Variants in ULBP3 observed in about 807,000 individuals in gnomAD.
The protein encoded by ULBP3 is UL16-binding protein 3.
Under a neutral mutation model 24.9 loss-of-function variants are expected in ULBP3, and 25 were observed. That is an observed-to-expected ratio of 1.00 (90% CI 0.73 to 1.40). The LOEUF (loss-of-function observed/expected upper bound fraction) is 1.40. Among genes scored for constraint, ULBP3 ranks in the 40% most tolerant of loss-of-function variants. The pLI, the probability that ULBP3 is intolerant of heterozygous loss-of-function variation, is 0.00. For missense variants in ULBP3, 306 were observed against 307.5 expected (o/e 1.00, Z 0.04); for synonymous variants, 114 against 114.7 (o/e 0.99, Z 0.04).
chr6:150,067,272 A>G (rs1776361093), intron 1 of ULBP3, among the ~76,000 whole-genome samples: 1 of 152,192 alleles, frequency 6.6e-6, no homozygotes, highest in Non-Finnish European at 1.5e-5. Context: ...AGGAGAGCCC[A>G]GAGCCCCTGG....
At chr6:150,065,294 C>T in intron 3 of ULBP3, 104 bp downstream of exon 3, 2 of 1,480,774 alleles carry the variant, frequency 1.4e-6, no homozygotes, top group Non-Finnish European at 1.8e-6. Context: ...GACTCACACC[C>T]ACTCACACCC....
chr6:150,066,737 T>A (rs1047526821), intron 1 of ULBP3, among the ~76,000 whole-genome samples: 1 of 152,054 alleles, frequency 6.6e-6, no homozygotes, highest in Non-Finnish European at 1.5e-5. Flanking sequence ...GACTGCAGTA[T>A]GAAAATCCAG....
In ULBP3 at chr6:150,062,125, G is replaced by C. The variant is rs776488049; in HGVS notation, c.*1249C>G. 9.9e-5 allele frequency among the ~76,000 whole-genome samples: 15 copies of C among 152,190 alleles called. No homozygotes were observed. The highest frequency in any genetic ancestry group is 2.1e-4 in the Non-Finnish European group (14 of 68,042). Reference sequence around the variant, plus strand: ...AGTACTTTGTAGATTCTGGATATTGGACCTTTGTCAGATGCAGAGTTTGCA... The same window carrying C: ...AGTACTTTGTAGATTCTGGATATTGCACCTTTGTCAGATGCAGAGTTTGCA... On this transcript the variant is annotated 3_prime_UTR_variant, in exon 5 of 5. Coordinates refer to ENST00000367339, the MANE Select transcript of ULBP3 (RefSeq NM_024518.3).
In ULBP3 at chr6:150,065,920, G is replaced by T. The variant is rs140233188; in HGVS notation, c.331C>A (p.Leu111Met). Residue 111 changes from leucine to methionine, a missense_variant, in exon 2 of 5, where the codon CTG becomes ATG. Physicochemically the swap from Leu to Met is conservative, Grantham distance 15. Coordinates refer to ENST00000367339, the MANE Select transcript of ULBP3 (RefSeq NM_024518.3). ...TCACCACTGGGTGTGAAATCCTCCA[G>T]CTCAGTGTCAGCCAGTTCCAGTCTG... ...RLRLELADTELEDFTPSGPLT... is the reference protein window; with the variant it reads ...RLRLELADTEMEDFTPSGPLT... The T allele has an allele frequency of 8.7e-6, 14 of 1,614,162 alleles. No homozygotes were observed. In the African/African-American group the frequency reaches 1.6e-4, roughly 18 times the overall value.
intron 4 of ULBP3, among the ~76,000 whole-genome samples, 189 bp from the exon 5 acceptor site, chr6:150,063,540 G>A (rs1053256811): frequency 6.6e-6 from 1 of 152,218 alleles, no homozygotes. Context: ...ACACCACAGA[G>A]GCAGCCCAGG....
In ULBP3 at chr6:150,065,535, G is replaced by T; in HGVS notation, c.491C>A (p.Ala164Asp). ...CTTCTCTTTCATCCGCCTGGCTCCA[G>T]CGTGAACCACTGTCCACTTTCTGTT... ...SNNRKWTVVH[A>D]GARRMKEKWE... The change falls in exon 3 of 5, where the codon GCT becomes GAT. Residue 164 changes from alanine to aspartate, a missense_variant. Physicochemically the swap from Ala to Asp is moderately radical, Grantham distance 126 (BLOSUM62 -2). Coordinates refer to ENST00000367339, the MANE Select transcript of ULBP3 (RefSeq NM_024518.3). 5 of 1,614,184 alleles carry T rather than the reference G, an allele frequency of 3.1e-6. No individual in the cohort carries two copies. The highest frequency in any genetic ancestry group is 4.2e-6 in the Non-Finnish European group (5 of 1,180,034).
intron 4 of ULBP3, among the ~76,000 whole-genome samples, 151 bp downstream of exon 4, chr6:150,064,434 A>G (rs1265316688): frequency 2.0e-5 from 3 of 152,174 alleles, no homozygotes; most frequent in Non-Finnish European, 4.4e-5. Context: ...GGTCATTGCA[A>G]ACAGGCGACA....
chr6:150,063,337 G>C lies in ULBP3; in HGVS notation c.*37C>G. On this transcript the variant is annotated 3_prime_UTR_variant, in exon 5 of 5. Coordinates refer to ENST00000367339, the MANE Select transcript of ULBP3 (RefSeq NM_024518.3). ...CAGACCAGGCTAACAGAGGCTTCTT[G>C]ATATCACCTTCCACCTTGAGGAAAG... 1 of 978,956 alleles carries C rather than the reference G, an allele frequency of 1.0e-6. No individual in the cohort carries two copies. The highest frequency in any genetic ancestry group is 1.2e-6 in the Non-Finnish European group (1 of 823,996). 60.6% of individuals were successfully genotyped at this position (978,956 alleles called of 1,614,324 possible). A position where few individuals can be genotyped will look rare whatever the true frequency, so the allele number is the denominator to read the frequency against.
At position 150,065,598 on chromosome 6, in the gene ULBP3, C is replaced by A. The variant is rs200807610; in HGVS notation, c.428G>T (p.Ser143Ile). The A allele has an allele frequency of 8.7e-6, 14 of 1,614,106 alleles. No individual in the cohort carries two copies. In the East Asian group the frequency reaches 2.9e-4, roughly 33 times the overall value. ...DGYIRGSWQFSFDGRKFLLFD... is the reference protein window; with the variant it reads ...DGYIRGSWQFIFDGRKFLLFD... The stretch of plus-strand genomic sequence containing the variant: ...GAGGAGGAACTTCCGTCCATCGAAG[C>A]TGAACTGCCAAGATCCACGGATGTA... Residue 143 changes from serine to isoleucine, a missense_variant, in exon 3 of 5, where the codon AGC becomes ATC. Ser to Ile is a moderately radical substitution (Grantham distance 142). Transcript: ENST00000367339.
intron 1 of ULBP3, 25 bp downstream of exon 1, chr6:150,068,954 G>A: frequency 1.9e-6 from 3 of 1,580,244 alleles, no homozygotes; most frequent in Non-Finnish European, 2.6e-6. Flanking sequence ...CCCCCGCCCC[G>A]CTTAGGCTCC....
rs549777601 is a variant in ULBP3, at chr6:150,066,117, C to T, written c.134G>A (p.Arg45Lys). 5 of 1,614,042 alleles carry T rather than the reference C, an allele frequency of 3.1e-6. No homozygotes were observed. In the South Asian group the frequency reaches 5.5e-5, roughly 18 times the overall value. ...GACCTCACACCACTGTTGCCCATGTCTGGGCAAATGAATGATGGTGAAGTT... is the reference window on the plus strand; with the variant it reads ...GACCTCACACCACTGTTGCCCATGTTTGGGCAAATGAATGATGGTGAAGTT... ...WYNFTIIHLP[R>K]HGQQWCEVQS... The change falls in exon 2 of 5, where the codon AGA becomes AAA. Residue 45 changes from arginine (R) to lysine (K), a missense_variant. Physicochemically the swap from Arg to Lys is conservative, Grantham distance 26 (BLOSUM62 2). Coordinates refer to ENST00000367339, the MANE Select transcript of ULBP3 (RefSeq NM_024518.3).
In ULBP3 at chr6:150,065,603, C is replaced by G; in HGVS notation, c.423G>C (p.Gln141His). 6.2e-7 allele frequency: 1 copy of G among 1,614,224 alleles called. No individual in the cohort carries two copies. The highest frequency in any genetic ancestry group is 1.1e-5 in the South Asian group (1 of 91,086). The stretch of plus-strand genomic sequence containing the variant: ...GGAACTTCCGTCCATCGAAGCTGAA[C>G]TGCCAAGATCCACGGATGTATCCAT... ...EADGYIRGSW[Q>H]FSFDGRKFLL... Residue 141 changes from glutamine to histidine, a missense_variant, in exon 3 of 5, where the codon CAG (glutamine) becomes CAC (histidine). Gln to His is a conservative substitution (Grantham distance 24). Coordinates refer to ENST00000367339, the MANE Select transcript of ULBP3 (RefSeq NM_024518.3).
At position 150,061,357 on chromosome 6, in the gene ULBP3, T is replaced by C. The variant is rs13729; in HGVS notation, c.*2017A>G. 0.22 allele frequency among the ~76,000 whole-genome samples: 33,127 copies of C among 152,084 alleles called. 4,111 individuals carry two copies. The highest frequency in any genetic ancestry group is 0.28 in the Non-Finnish European group (18,719 of 67,980). ...AGGCTGAGGCTTGGTGTCCCAATGA[T>C]CTCATCACTCAAACAGTAAGCATGG... On this transcript the variant is annotated 3_prime_UTR_variant, in exon 5 of 5. Coordinates refer to ENST00000367339, the MANE Select transcript of ULBP3 (RefSeq NM_024518.3).
rs534645650 is a variant in ULBP3, at chr6:150,061,842, T to C, written c.*1532A>G. Among the ~76,000 whole-genome samples, 4 of 152,376 alleles carry C rather than the reference T, an allele frequency of 2.6e-5. No homozygotes were observed. The highest frequency in any genetic ancestry group is 4.1e-4 in the South Asian group (2 of 4,830). On this transcript the variant is annotated 3_prime_UTR_variant, in exon 5 of 5. Coordinates refer to ENST00000367339, the MANE Select transcript of ULBP3 (RefSeq NM_024518.3). ...GGAGAAATCTCCAAACTGCTTTCCA[T>C]AGCGGCTGAACAAGTTTGCTTTCCC...
chr6:150,069,047 G>A lies in ULBP3; in HGVS notation c.20C>T (p.Pro7Leu), dbSNP rs1776391507. ...AATCGCGAGGCGCGGAAGGATCGCGGGGCTGGCGGCCGCTGCCATTGTAGA... is the reference window on the plus strand; with the variant it reads ...AATCGCGAGGCGCGGAAGGATCGCGAGGCTGGCGGCCGCTGCCATTGTAGA... MAAAAS[P>L]AILPRLAILP... is the part of the protein sequence containing the mutation. The change falls in exon 1 of 5, where the codon CCC becomes CTC. Residue 7 changes from proline (P) to leucine (L), a missense_variant. Coordinates refer to ENST00000367339, the MANE Select transcript of ULBP3 (RefSeq NM_024518.3). 2 of 1,611,098 alleles carry A rather than the reference G, an allele frequency of 1.2e-6. No homozygotes were observed. The highest frequency in any genetic ancestry group is 1.7e-6 in the Non-Finnish European group (2 of 1,179,272).
intron 1 of ULBP3, among the ~76,000 whole-genome samples, chr6:150,067,954 G>C (rs1044354160): frequency 6.6e-6 from 1 of 152,180 alleles, no homozygotes; most frequent in African/African-American, 2.4e-5. Flanking sequence ...CTATGGGAGG[G>C]CAGTGACCAC....
intron 1 of ULBP3, among the ~76,000 whole-genome samples, chr6:150,068,660 T>A (rs1776382550): frequency 6.6e-6 from 1 of 152,230 alleles, no homozygotes; most frequent in South Asian, 2.1e-4. Flanking sequence ...CTCTGGTTTC[T>A]CCTTCCCGAG....
At chr6:150,064,836 G>T in intron 3 of ULBP3, 123 bp from the exon 4 acceptor site, 1 of 1,043,918 alleles carries the variant, frequency 9.6e-7, no homozygotes, top group Non-Finnish European at 1.4e-6. Context: ...CTGCTGTGGG[G>T]CAGCCGCTGT....
At chr6:150,063,541 G>C (rs913469455) in intron 4 of ULBP3, among the ~76,000 whole-genome samples, 190 bp from the exon 5 acceptor site, 3 of 152,170 alleles carry the variant, frequency 2.0e-5, no homozygotes, top group Non-Finnish European at 4.4e-5. Context: ...CACCACAGAG[G>C]CAGCCCAGGT....
Sources: allele counts gnomAD v4.1 joint callset (sites outside exome capture counted in the v4.1 genomes callset), GRCh38; gene constraint gnomAD v4.1.1; transcripts MANE v1.5; gene names NCBI Gene and HGNC (gene_info 2026-07-23, HGNC 2026-07-21).